The following FBXW8 variants were observed in gnomAD, a reference collection of about 807,000 sequenced individuals.
The protein encoded by FBXW8 is F-box and WD repeat domain containing 8, also known as F-box/WD repeat-containing protein 8.
FBXW8 carries 57 observed loss-of-function variants against 65.3 expected under a neutral mutation model. The ratio of observed to expected loss-of-function variants is 0.87; its 90% CI spans 0.71 to 1.09. The LOEUF (loss-of-function observed/expected upper bound fraction) is 1.09. Ranked by LOEUF, FBXW8 falls within the 50% of genes least tolerant of loss-of-function variation. The pLI, the probability that FBXW8 is intolerant of heterozygous loss-of-function variation, is 0.00. For synonymous variants in FBXW8, 308 were observed against 330.2 expected, an observed-to-expected ratio of 0.93 and a Z score of 0.73; for missense variants, 777 against 814.8, an observed-to-expected ratio of 0.95 and a Z score of 0.57.
chr12:116,921,691 T>C (rs556426850), intron 1 of FBXW8, among the ~76,000 whole-genome samples: 1 of 152,300 alleles, frequency 6.6e-6, no homozygotes, highest in African/African-American at 2.4e-5. Flanking sequence ...GTTGCTTTTC[T>C]GTGTCTGTGA....
At chr12:116,952,894 C>T (rs1883380090) in intron 4 of FBXW8, among the ~76,000 whole-genome samples, 1 of 152,120 alleles carries the variant, frequency 6.6e-6, no homozygotes, top group South Asian at 2.1e-4. Flanking sequence ...TGTGCCACCA[C>T]ACCCAGCTAA....
At chr12:116,917,581 A>G (rs1029567567) in intron 1 of FBXW8, among the ~76,000 whole-genome samples, 1 of 152,214 alleles carries the variant, frequency 6.6e-6, no homozygotes, top group African/African-American at 2.4e-5. Context: ...AGAACAACTA[A>G]TAAGTTAGCA....
At chr12:116,951,917 G>A (rs1883310544) in intron 4 of FBXW8, among the ~76,000 whole-genome samples, 1 of 152,116 alleles carries the variant, frequency 6.6e-6, no homozygotes. Flanking sequence ...TTTTTCCAGT[G>A]GGGAAACATT....
chr12:116,979,978 A>G (rs994999614), intron 5 of FBXW8, among the ~76,000 whole-genome samples: 60 of 152,050 alleles, frequency 3.9e-4, no homozygotes, highest in African/African-American at 1.2e-3. Context: ...GGGCATGTTC[A>G]TAGTATTTGA....
At chr12:116,951,844 C>T (rs553771701) in intron 4 of FBXW8, among the ~76,000 whole-genome samples, 3 of 152,296 alleles carry the variant, frequency 2.0e-5, no homozygotes, top group Admixed American at 6.5e-5. Context: ...CGTTGATAAA[C>T]GCATTTGACA....
chr12:117,022,355 T>TAAA lies in FBXW8; in HGVS notation c.1368-1779_1368-1777dup, dbSNP rs5801209. ...AGATTATAGTGACTAAAGAAACTAT[T>TAAA]AAAAAAAAAAAAAAACAGGCTGGGT... On this transcript the variant is annotated intron_variant, in intron 8 of 10. Transcript: ENST00000652555. Among the ~76,000 whole-genome samples, 1,251 of 139,142 alleles carry TAAA rather than the reference T, an allele frequency of 9.0e-3. 13 individuals are homozygous for TAAA. The highest frequency in any genetic ancestry group is 0.029 in the African/African-American group (1,123 of 38,770). The allele number at this position is 139,142 out of a possible 152,430, so 91.3% of individuals were successfully genotyped here.
chr12:116,985,519 C>A, intron 6 of FBXW8, 117 bp downstream of exon 6: 1 of 976,796 alleles, frequency 1.0e-6, no homozygotes, highest in Non-Finnish European at 1.5e-6. Flanking sequence ...GCGGGCCTTA[C>A]CTCCATAAGT....
chr12:117,010,569 C>A, intron 8 of FBXW8, 119 bp downstream of exon 8: 5 of 1,350,928 alleles, frequency 3.7e-6, no homozygotes, highest in South Asian at 1.3e-5. Context: ...CTGAGTTCAG[C>A]CCCGATCCCA....
At chr12:116,948,817 C>G (rs1345203573) in intron 3 of FBXW8, 2 of 152,164 alleles carry the variant, frequency 1.3e-5, no homozygotes, top group East Asian at 1.9e-4. Context: ...TACAGTGTTG[C>G]AATCATAACT....
intron 3 of FBXW8, among the ~76,000 whole-genome samples, chr12:116,947,401 A>C (rs901868700): frequency 6.6e-6 from 1 of 152,176 alleles, no homozygotes; most frequent in African/African-American, 2.4e-5. Flanking sequence ...CTTTCATTAA[A>C]TGTAATGGTG....
At chr12:117,013,904 T>G (rs916924062) in intron 8 of FBXW8, among the ~76,000 whole-genome samples, 5 of 149,202 alleles carry the variant, frequency 3.4e-5, no homozygotes, top group Non-Finnish European at 7.5e-5. Flanking sequence ...AATCACTTGT[T>G]TTTTTTTTTT....
chr12:117,014,437 T>G (rs1456891954), intron 8 of FBXW8, among the ~76,000 whole-genome samples: 1 of 152,250 alleles, frequency 6.6e-6, no homozygotes, highest in African/African-American at 2.4e-5. Context: ...CATCTGTTAA[T>G]TGTCTTTTCC....
rs190899239 is a variant in FBXW8 at position 116,917,168 on chromosome 12, C to T, written c.318+5813C>T. 2.4e-4 allele frequency among the ~76,000 whole-genome samples: 36 copies of T among 152,308 alleles called. No homozygotes were observed. In the East Asian group the frequency reaches 6.2e-3, roughly 26 times the overall value. On this transcript the variant is annotated intron_variant, in intron 1 of 10. Coordinates refer to ENST00000652555, the MANE Select transcript of FBXW8 (RefSeq NM_153348.3). ...AACAAATTTGGGGCCATCACTATGT[C>T]AGTCTACCTCAAAAGCTCTTCCAAT...
At chr12:117,005,911 G>T (rs1174412730) in intron 7 of FBXW8, among the ~76,000 whole-genome samples, 1 of 152,196 alleles carries the variant, frequency 6.6e-6, no homozygotes, top group South Asian at 2.1e-4. Context: ...TCTTCCTCTC[G>T]TGCCTCTTCT....
At chr12:117,025,330 T>C (rs191411115) in intron 9 of FBXW8, among the ~76,000 whole-genome samples, 1 of 152,286 alleles carries the variant, frequency 6.6e-6, no homozygotes, top group Admixed American at 6.5e-5. Context: ...TGAAACCCCA[T>C]CTCTACAAAA....
intron 1 of FBXW8, among the ~76,000 whole-genome samples, chr12:116,926,256 A>G (rs1277224268): frequency 6.6e-6 from 1 of 152,260 alleles, no homozygotes; most frequent in Non-Finnish European, 1.5e-5. Flanking sequence ...ATGAGACTTC[A>G]GTTTCAATGA....
At chr12:116,970,967 C>T (rs1343714027) in intron 5 of FBXW8, among the ~76,000 whole-genome samples, 1 of 151,928 alleles carries the variant, frequency 6.6e-6, no homozygotes, top group Non-Finnish European at 1.5e-5. Context: ...AACTTTCTAA[C>T]AGAAACCAAA....
chr12:117,006,045 T>G lies in FBXW8; in HGVS notation c.1240-4278T>G, dbSNP rs921485759. On this transcript the variant is annotated intron_variant, in intron 7 of 10. Coordinates refer to ENST00000652555, the MANE Select transcript of FBXW8 (RefSeq NM_153348.3). Reference sequence around the variant, plus strand: ...AAAAGCTTTTAAAATGCTATTGTCTTGTAAGGAAGCCTTCCGACTCCTCCT... The same window carrying G: ...AAAAGCTTTTAAAATGCTATTGTCTGGTAAGGAAGCCTTCCGACTCCTCCT... 5.9e-5 allele frequency among the ~76,000 whole-genome samples: 9 copies of G among 152,304 alleles called. No homozygotes were observed. In the East Asian group the frequency reaches 1.7e-3, roughly 29 times the overall value.
At chr12:116,964,070 G>A (rs993949157) in intron 4 of FBXW8, among the ~76,000 whole-genome samples, 1 of 152,248 alleles carries the variant, frequency 6.6e-6, no homozygotes. Flanking sequence ...ATAGGAGAGA[G>A]TGAGTACTTC....
Sources: allele counts gnomAD v4.1 joint callset (sites outside exome capture counted in the v4.1 genomes callset), GRCh38; gene constraint gnomAD v4.1.1; transcripts MANE v1.5; gene names NCBI Gene and HGNC (gene_info 2026-07-23, HGNC 2026-07-21).